The following MECOM variants were observed in gnomAD, a reference collection of about 807,000 sequenced individuals.
MECOM encodes the protein histone-lysine N-methyltransferase MECOM.
Under a neutral mutation model 116.3 loss-of-function variants are expected in MECOM, and 13 were observed. The ratio of observed to expected loss-of-function variants is 0.11; its 90% CI spans 0.07 to 0.18. MECOM has a LOEUF of 0.18. MECOM is among the 10% of genes least tolerant of loss of function. The pLI is 1.00. For synonymous variants in MECOM, 528 were observed against 535.2 expected (o/e 0.99, Z 0.19); for missense variants, 1,299 against 1,509.0 (o/e 0.86, Z 2.31).
chr3:169,209,193 C>A (rs1750371951), intron 2 of MECOM, among the ~76,000 whole-genome samples: 2 of 152,038 alleles, frequency 1.3e-5, no homozygotes, highest in African/African-American at 4.8e-5. Flanking sequence ...TTGAATTACA[C>A]TAAAATTAAC....
At chr3:169,583,546 G>A (rs369814721) in intron 1 of MECOM, among the ~76,000 whole-genome samples, 4 of 152,022 alleles carry the variant, frequency 2.6e-5, no homozygotes, top group Non-Finnish European at 5.9e-5. Context: ...GCTTGGATTA[G>A]TGCATGCCAA....
intron 1 of MECOM, among the ~76,000 whole-genome samples, chr3:169,502,113 A>G (rs1560363123): frequency 6.6e-6 from 1 of 152,228 alleles, no homozygotes; most frequent in East Asian, 1.9e-4. Flanking sequence ...GCCAGGATCT[A>G]CTTCCTTTTC....
At chr3:169,148,194 G>C (rs1327819596) in intron 2 of MECOM, among the ~76,000 whole-genome samples, 7 of 152,120 alleles carry the variant, frequency 4.6e-5, no homozygotes, top group Admixed American at 1.3e-4. Flanking sequence ...GGTTTAGAGA[G>C]ATTGATGACT....
At position 169,172,599 on chromosome 3, in the gene MECOM, G is replaced by T. The variant is rs1744601731; in HGVS notation, c.376-28767C>A. Among the ~76,000 whole-genome samples the T allele has an allele frequency of 2.0e-5, 3 of 152,198 alleles. No individual in the cohort carries two copies. In the South Asian group the frequency reaches 6.2e-4, roughly 32 times the overall value. On this transcript the variant is annotated intron_variant, in intron 2 of 16. Transcript: ENST00000651503. ...AATAGTAATTGATATTTTGACTATTGCAACTTTATGAAACTGAAGATTTTG... is the reference window on the plus strand; with the variant it reads ...AATAGTAATTGATATTTTGACTATTTCAACTTTATGAAACTGAAGATTTTG...
chr3:169,129,678 G>A (rs1451609956), intron 4 of MECOM, among the ~76,000 whole-genome samples: 2 of 151,966 alleles, frequency 1.3e-5, no homozygotes. Context: ...TCTATATTTA[G>A]GACCTCAGCC....
chr3:169,419,783 C>T (rs1022130646), intron 1 of MECOM, among the ~76,000 whole-genome samples: 2 of 152,184 alleles, frequency 1.3e-5, no homozygotes, highest in African/African-American at 4.8e-5. Context: ...TAAAGAGCTT[C>T]TGCACAACAA....
intron 1 of MECOM, among the ~76,000 whole-genome samples, chr3:169,395,754 A>G (rs943762707): frequency 2.0e-5 from 3 of 152,192 alleles, no homozygotes; most frequent in African/African-American, 2.4e-5. Context: ...AATATTACCA[A>G]CTAAATTTGT....
intron 2 of MECOM, among the ~76,000 whole-genome samples, chr3:169,233,333 C>T (rs13086050): frequency 0.096 from 14,665 of 152,138 alleles, 939 homozygotes; most frequent in Non-Finnish European, 0.14. Flanking sequence ...TCAGAAATGT[C>T]ATCTGGGGAT....
intron 2 of MECOM, among the ~76,000 whole-genome samples, chr3:169,344,497 G>A (rs1577791407): frequency 6.6e-6 from 1 of 152,118 alleles, no homozygotes; most frequent in African/African-American, 2.4e-5. Context: ...CCCAGTGAAA[G>A]CCCTGAGTGT....
chr3:169,244,279 C>T (rs1269484362), intron 2 of MECOM, among the ~76,000 whole-genome samples: 2 of 152,192 alleles, frequency 1.3e-5, no homozygotes, highest in Non-Finnish European at 2.9e-5. Flanking sequence ...TAATTTGAAC[C>T]TAATGTTGCC....
At chr3:169,406,576 C>T (rs1041278615) in intron 1 of MECOM, among the ~76,000 whole-genome samples, 1 of 152,124 alleles carries the variant, frequency 6.6e-6, no homozygotes, top group Non-Finnish European at 1.5e-5. Flanking sequence ...GGAATTAGAA[C>T]ATGGAAAGCA....
chr3:169,222,521 C>T (rs943923218), intron 2 of MECOM, among the ~76,000 whole-genome samples: 3 of 152,128 alleles, frequency 2.0e-5, no homozygotes, highest in Admixed American at 1.3e-4. Context: ...TCTGCTCTGG[C>T]AGCGGGGAAA....
chr3:169,140,067 T>C (rs956703082), intron 3 of MECOM, among the ~76,000 whole-genome samples: 8 of 144,398 alleles, frequency 5.5e-5, no homozygotes, highest in Admixed American at 1.4e-4. Context: ...AAAAAAAACA[T>C]TTTTATGCTT....
chr3:169,505,965 C>A (rs954860598), intron 1 of MECOM, among the ~76,000 whole-genome samples: 5 of 152,104 alleles, frequency 3.3e-5, no homozygotes, highest in African/African-American at 7.2e-5. Context: ...ATTAACCTGC[C>A]AATTCTGCCT....
At chr3:169,505,674 C>T (rs1041326367) in intron 1 of MECOM, among the ~76,000 whole-genome samples, 5 of 152,180 alleles carry the variant, frequency 3.3e-5, no homozygotes, top group Non-Finnish European at 5.9e-5. Context: ...ACTGGATCTC[C>T]AGAACTTAGC....
intron 2 of MECOM, among the ~76,000 whole-genome samples, chr3:169,358,046 A>G (rs1214391440): frequency 6.6e-6 from 1 of 151,734 alleles, no homozygotes; most frequent in Non-Finnish European, 1.5e-5. Context: ...CTTGAAAAAC[A>G]ATTTTGCATG....
chr3:169,240,267 T>A (rs1392266193), intron 2 of MECOM, among the ~76,000 whole-genome samples: 3 of 151,964 alleles, frequency 2.0e-5, no homozygotes, highest in Non-Finnish European at 4.4e-5. Context: ...GTCAAAAGAG[T>A]ATGAATCCCC....
intron 2 of MECOM, among the ~76,000 whole-genome samples, chr3:169,358,551 T>C (rs1727680754): frequency 6.6e-6 from 1 of 151,386 alleles, no homozygotes; most frequent in Non-Finnish European, 1.5e-5. Context: ...AATCACCTTT[T>C]CCTTTTATAG....
At chr3:169,149,691 G>A (rs189195086) in intron 2 of MECOM, 2 of 479,434 alleles carry the variant, frequency 4.2e-6, no homozygotes, top group East Asian at 1.2e-4. Flanking sequence ...TCCTACGTCT[G>A]AGCTTCTCTT....
Sources: allele counts gnomAD v4.1 joint callset (sites outside exome capture counted in the v4.1 genomes callset), GRCh38; gene constraint gnomAD v4.1.1; transcripts MANE v1.5; gene names NCBI Gene and HGNC (gene_info 2026-07-23, HGNC 2026-07-21).